ANKRD44: variants seen among roughly 807,000 people sequenced by gnomAD.
The protein encoded by ANKRD44 is serine/threonine-protein phosphatase 6 regulatory ankyrin repeat subunit B.
In ANKRD44, 35 loss-of-function variants were observed where a neutral mutation model predicts 116.0. That is an observed-to-expected ratio of 0.30 (90% CI 0.23 to 0.40). ANKRD44 has a LOEUF of 0.40. ANKRD44 is among the 10% of genes least tolerant of loss of function. The probability of loss-of-function intolerance (pLI) is 1.00; values close to 1 mark genes in which losing one functional copy is unlikely to be tolerated. For synonymous variants in ANKRD44, 435 were observed against 461.8 expected (o/e 0.94, Z 0.74); for missense variants, 1,014 against 1,242.6 (o/e 0.82, Z 2.77).
At chr2:197,146,904 T>TGAA (rs2079518699) in intron 3 of ANKRD44, 123 bp downstream of exon 3, 2 of 667,802 alleles carry the variant, frequency 3.0e-6, no homozygotes, top group Non-Finnish European at 4.9e-6. Context: ...AAATCGCCTA[T>TGAA]CACATAAACT....
chr2:197,291,684 T>A (rs562968314), intron 1 of ANKRD44, among the ~76,000 whole-genome samples: 18 of 152,318 alleles, frequency 1.2e-4, no homozygotes, highest in East Asian at 1.9e-4. Flanking sequence ...GTATTTTTTT[T>A]AAATTATACT....
intron 12 of ANKRD44, among the ~76,000 whole-genome samples, chr2:197,087,364 G>C (rs927143401): frequency 5.9e-5 from 9 of 152,318 alleles, no homozygotes; most frequent in Middle Eastern, 3.4e-3. Flanking sequence ...ATCATATTTA[G>C]TAGAGAGAAA....
At position 197,025,412 on chromosome 2, in the gene ANKRD44, T is replaced by C. The variant is rs1414003379; in HGVS notation, c.1651-145A>G. 11 of 570,462 alleles carry C rather than the reference T, an allele frequency of 1.9e-5. No individual in the cohort carries two copies. The Admixed American group carries it at 3.0e-4, about 16-fold the overall frequency. The allele number at this position is 570,462 out of a possible 1,614,324, so 35.3% of individuals were successfully genotyped here. On this transcript the variant is annotated intron_variant, in intron 16 of 27. Coordinates refer to ENST00000282272, the MANE Select transcript of ANKRD44 (RefSeq NM_001195144.2). ...TATGATATAACATATCTAAAACAAA[T>C]ATGCTAACAGAATATTTAAACTTCT...
chr2:197,034,090 A>C lies in ANKRD44; in HGVS notation c.1651-8823T>G, dbSNP rs970506056. Among the ~76,000 whole-genome samples the C allele has an allele frequency of 1.3e-4, 3 of 23,512 alleles. No homozygotes were observed. The South Asian group carries it at 6.2e-3, about 49-fold the overall frequency. The allele number at this position is 23,512 out of a possible 152,430, so 15.4% of individuals were successfully genotyped here. On this transcript the variant is annotated intron_variant, in intron 16 of 27. Coordinates refer to ENST00000282272, the MANE Select transcript of ANKRD44 (RefSeq NM_001195144.2). ...AGAGAGAGAGAGAGAGAGAGAGCTC[A>C]TACTATGCCTTGCTATACAAACTCG...
At chr2:197,132,722 C>T (rs1354929978) in intron 4 of ANKRD44, among the ~76,000 whole-genome samples, 1 of 152,000 alleles carries the variant, frequency 6.6e-6, no homozygotes, top group Admixed American at 6.6e-5. Flanking sequence ...TGGTGTATAC[C>T]AGTTCTATCT....
intron 1 of ANKRD44, among the ~76,000 whole-genome samples, chr2:197,295,994 T>C (rs982095237): frequency 3.3e-5 from 5 of 151,932 alleles, no homozygotes; most frequent in Non-Finnish European, 7.4e-5. Flanking sequence ...GGTCGAGCTA[T>C]GATGGCACCA....
chr2:197,042,406 T>C (rs1316477144), intron 16 of ANKRD44, among the ~76,000 whole-genome samples: 1 of 151,926 alleles, frequency 6.6e-6, no homozygotes, highest in East Asian at 1.9e-4. Context: ...GTGGCCAACA[T>C]TGTTAGGAGA....
intron 1 of ANKRD44, among the ~76,000 whole-genome samples, chr2:197,233,103 G>A (rs1320446360): frequency 2.6e-5 from 4 of 152,178 alleles, no homozygotes; most frequent in Non-Finnish European, 5.9e-5. Context: ...GTGCTGGGTA[G>A]GAAGAGAACT....
chr2:197,270,853 C>T (rs1158940700), intron 1 of ANKRD44, among the ~76,000 whole-genome samples: 1 of 152,166 alleles, frequency 6.6e-6, no homozygotes, highest in Non-Finnish European at 1.5e-5. Context: ...GCTGAAAGCT[C>T]ATGGTACCCC....
Position 197,253,551 on chromosome 2 carries a change from ATATT to A in ANKRD44, c.27+57023_27+57026del, listed in dbSNP as rs371510263. ...TCTACTAATATGAATTATGCTATAT[ATATT>A]TATTGCATATATATGTAGAATATAC... On this transcript the variant is annotated intron_variant, in intron 1 of 27. Transcript: ENST00000282272. Among the ~76,000 whole-genome samples, 319 of 152,310 alleles carry A rather than the reference ATATT, an allele frequency of 2.1e-3. 2 individuals carry two copies. Among genetic ancestry groups the A allele is most frequent in the African/African-American group, 7.2e-3 (301 of 41,556 alleles).
chr2:197,286,938 G>A (rs569503669), intron 1 of ANKRD44, among the ~76,000 whole-genome samples: 1 of 152,278 alleles, frequency 6.6e-6, no homozygotes, highest in South Asian at 2.1e-4. Flanking sequence ...CAGGGGTTAG[G>A]GGGTAAGCAG....
rs1230595577 is a variant in ANKRD44, at chr2:197,147,086, G to C, written c.131C>G (p.Pro44Arg). The change falls in exon 3 of 28, where the codon CCT (proline) becomes CGT (arginine). Residue 44 changes from proline to arginine, a missense_variant. Physicochemically the swap from Pro to Arg is moderately radical, Grantham distance 103. Coordinates refer to ENST00000282272, the MANE Select transcript of ANKRD44 (RefSeq NM_001195144.2). ...VNTLDSEKRT[P>R]LHVAAFLGDA... ...TCCCAGAAATGCGGCCACATGAAGA[G>C]GGGTTCGTTTCTCAGAATCCTGAAA... is the stretch of plus-strand genomic sequence containing the variant. 6.2e-6 allele frequency: 10 copies of C among 1,613,708 alleles called. No homozygotes were observed. Among genetic ancestry groups the C allele is most frequent in the Non-Finnish European group, 6.8e-6 (8 of 1,179,774 alleles).
In ANKRD44 at chr2:197,201,491, A is replaced by C. The variant is rs1304815427; in HGVS notation, c.28-14385T>G. On this transcript the variant is annotated intron_variant, in intron 1 of 27. Transcript: ENST00000282272. This position sits in a 1 kb window ranked among gnomAD's most constrained non-coding sequence, Gnocchi z 4.0. ...GGCCTCCTCTGGCCCAACTGACATA[A>C]CTGAGGTTGGTTCCTTTCCTGGTAT... 1.3e-5 allele frequency among the ~76,000 whole-genome samples: 2 copies of C among 152,094 alleles called. No homozygotes were observed. Among genetic ancestry groups the C allele is most frequent in the Admixed American group, 1.3e-4 (2 of 15,262 alleles).
intron 17 of ANKRD44, among the ~76,000 whole-genome samples, chr2:197,018,955 A>G (rs2076443419): frequency 6.6e-6 from 1 of 152,166 alleles, no homozygotes; most frequent in Non-Finnish European, 1.5e-5. Context: ...AAGTGACAAA[A>G]TCAGGATTCT....
intron 1 of ANKRD44, among the ~76,000 whole-genome samples, chr2:197,309,754 T>C (rs2084186378): frequency 6.6e-6 from 1 of 152,072 alleles, no homozygotes; most frequent in Non-Finnish European, 1.5e-5. Flanking sequence ...TTGGTGCCTG[T>C]TAGTGTCAAT....
chr2:197,238,643 A>C (rs2125789095), intron 1 of ANKRD44, among the ~76,000 whole-genome samples: 1 of 152,248 alleles, frequency 6.6e-6, no homozygotes, highest in East Asian at 1.9e-4. Flanking sequence ...AGGTCTATAG[A>C]AGTTACCCAG....
At chr2:197,116,871 A>T (rs2078723204) in intron 8 of ANKRD44, among the ~76,000 whole-genome samples, 1 of 152,150 alleles carries the variant, frequency 6.6e-6, no homozygotes, top group South Asian at 2.1e-4. Context: ...GCTTGTCAAA[A>T]ACTAAATATA....
At chr2:196,990,862 C>T (rs748697621) in intron 27 of ANKRD44, 14 of 1,232,546 alleles carry the variant, frequency 1.1e-5, no homozygotes, top group Non-Finnish European at 1.4e-5. Flanking sequence ...ATCATGGTAG[C>T]CAAAATGAGG....
At chr2:197,077,818 A>C (rs2077703097) in intron 16 of ANKRD44, 1 of 152,160 alleles carries the variant, frequency 6.6e-6, no homozygotes, top group Non-Finnish European at 1.5e-5. Context: ...ACCGTTTTTG[A>C]ATGTTTTATA....
Sources: gnomAD v4.1 joint callset for allele counts (sites outside exome capture counted in the v4.1 genomes callset) on GRCh38, gnomAD v4.1.1 for gene constraint, Gnocchi (gnomAD v3.1) non-coding constraint, MANE v1.5 for transcripts, NCBI Gene and HGNC (gene_info 2026-07-23, HGNC 2026-07-21) for gene names.